The following CACNA1D variants were observed in gnomAD, a reference collection of about 807,000 sequenced individuals.
CACNA1D encodes the protein voltage-dependent L-type calcium channel subunit alpha-1D.
In CACNA1D, 55 loss-of-function variants were observed where a neutral mutation model predicts 257.1. The ratio of observed to expected loss-of-function variants is 0.21; its 90% CI spans 0.17 to 0.27. CACNA1D has a LOEUF of 0.27. CACNA1D is among the 10% of genes least tolerant of loss of function. CACNA1D has a pLI of 1.00. For synonymous variants in CACNA1D, 980 were observed against 1,014.9 expected, an observed-to-expected ratio of 0.97 and a Z score of 0.65; for missense variants, 1,876 against 2,784.0, an observed-to-expected ratio of 0.67 and a Z score of 7.34.
At chr3:53,681,982 T>C (rs144574866) in intron 8 of CACNA1D, among the ~76,000 whole-genome samples, 111 of 152,156 alleles carry the variant, frequency 7.3e-4, no homozygotes, top group African/African-American at 2.5e-3. Flanking sequence ...GAGCTGGAGA[T>C]GAAGTCAGAT....
chr3:53,552,409 C>T (rs1022863009), intron 3 of CACNA1D, among the ~76,000 whole-genome samples: 1 of 152,112 alleles, frequency 6.6e-6, no homozygotes, highest in Admixed American at 6.6e-5. Flanking sequence ...GAGACAGAGT[C>T]TCGCTCTGTT....
At chr3:53,646,724 A>G (rs1344076883) in intron 3 of CACNA1D, among the ~76,000 whole-genome samples, 1 of 152,208 alleles carries the variant, frequency 6.6e-6, no homozygotes, top group Non-Finnish European at 1.5e-5. Flanking sequence ...ACCTGGCTGC[A>G]TCAAGCCTCT....
At chr3:53,690,028 A>T (rs1278215708) in intron 8 of CACNA1D, among the ~76,000 whole-genome samples, 3 of 152,012 alleles carry the variant, frequency 2.0e-5, no homozygotes, top group African/African-American at 7.3e-5. Flanking sequence ...CACTACTTTG[A>T]TGAGGTAAGT....
At chr3:53,496,980 T>C (rs2090379126) in intron 1 of CACNA1D, among the ~76,000 whole-genome samples, 172 bp from the exon 2 acceptor site, 1 of 152,128 alleles carries the variant, frequency 6.6e-6, no homozygotes, top group Admixed American at 6.5e-5. Context: ...TTTTCTTGAC[T>C]CTCCAGCTGA....
intron 3 of CACNA1D, among the ~76,000 whole-genome samples, chr3:53,606,667 T>C (rs556967703): frequency 2.4e-4 from 37 of 152,364 alleles, no homozygotes; most frequent in African/African-American, 8.4e-4. Flanking sequence ...TTACCCACTT[T>C]ATTGAGCTAA....
At chr3:53,533,988 CATA>C in intron 3 of CACNA1D, among the ~76,000 whole-genome samples, 1 of 152,116 alleles carries the variant, frequency 6.6e-6, no homozygotes, top group Non-Finnish European at 1.5e-5. Context: ...TAAAAAGACT[CATA>C]GTAGTGGGTG....
chr3:53,576,727 A>G (rs1221414573), intron 3 of CACNA1D, among the ~76,000 whole-genome samples: 2 of 152,196 alleles, frequency 1.3e-5, no homozygotes, highest in Non-Finnish European at 2.9e-5. Context: ...GGCTGTTACC[A>G]TCTGGTGGAA....
At chr3:53,688,678 C>T (rs151207888) in intron 8 of CACNA1D, among the ~76,000 whole-genome samples, 16 of 152,268 alleles carry the variant, frequency 1.1e-4, no homozygotes, top group South Asian at 2.1e-4. Context: ...AGACCTGGAG[C>T]GGCACTTGGC....
intron 19 of CACNA1D, 84 bp downstream of exon 19, chr3:53,733,046 A>AG (rs2095015085): frequency 7.1e-7 from 1 of 1,412,906 alleles, no homozygotes; most frequent in Admixed American, 1.8e-5. Flanking sequence ...GGTGGGGGTG[A>AG]GGGGAAGTGG....
chr3:53,739,179 G>A (rs930133652), intron 20 of CACNA1D, among the ~76,000 whole-genome samples: 3 of 152,234 alleles, frequency 2.0e-5, no homozygotes, highest in Admixed American at 2.0e-4. Flanking sequence ...CATACGCCAG[G>A]CCTACTCCTT....
chr3:53,532,214 T>C (rs558691304), intron 3 of CACNA1D, among the ~76,000 whole-genome samples: 9 of 152,290 alleles, frequency 5.9e-5, no homozygotes, highest in African/African-American at 1.7e-4. Flanking sequence ...ACCCAGGAAG[T>C]AGACCACAAG....
At chr3:53,586,483 G>A (rs1263815631) in intron 3 of CACNA1D, among the ~76,000 whole-genome samples, 5 of 151,774 alleles carry the variant, frequency 3.3e-5, no homozygotes, top group Non-Finnish European at 7.4e-5. Context: ...AGTGATAAGA[G>A]CAGGTATCTT....
chr3:53,762,132 G>C, intron 30 of CACNA1D, 51 bp downstream of exon 30: 1 of 1,115,682 alleles, frequency 9.0e-7, no homozygotes, highest in Non-Finnish European at 1.4e-6. Context: ...TCCTCTGTCT[G>C]TGCATACTCC....
At chr3:53,709,009 C>G (rs918429718) in intron 9 of CACNA1D, among the ~76,000 whole-genome samples, 1 of 152,204 alleles carries the variant, frequency 6.6e-6, no homozygotes, top group Non-Finnish European at 1.5e-5. Flanking sequence ...GGACTATGCA[C>G]TCTACAGCAC....
chr3:53,770,518 G>C lies in CACNA1D; in HGVS notation c.4010G>C (p.Arg1337Pro), dbSNP rs1311383960. ...VKLLSRGEGI[R>P]TLLWTFIKSF... ...CTTCTCAGCAGGGGGGAAGGCATCC[G>C]GACATTGCTGTGGACTTTTATTAAG... The change falls in exon 32 of 48, where the codon CGG becomes CCG. Residue 1337 changes from arginine to proline, a missense_variant. Physicochemically the swap from Arg to Pro is moderately radical, Grantham distance 103. Around this residue, in one of 10 missense-constraint regions of CACNA1D, gnomAD observed 204 missense variants for 309.4 expected, o/e 0.66. Coordinates refer to ENST00000350061, the MANE Select transcript of CACNA1D (RefSeq NM_001128840.3). The C allele has an allele frequency of 6.2e-7, 1 of 1,613,644 alleles. No homozygotes were observed. Among genetic ancestry groups the C allele is most frequent in the Non-Finnish European group, 8.5e-7 (1 of 1,179,724 alleles).
At chr3:53,684,500 G>A (rs895220762) in intron 8 of CACNA1D, among the ~76,000 whole-genome samples, 1 of 151,940 alleles carries the variant, frequency 6.6e-6, no homozygotes, top group Non-Finnish European at 1.5e-5. Context: ...GCGCATGCCT[G>A]TGGTCCCAGC....
intron 9 of CACNA1D, among the ~76,000 whole-genome samples, chr3:53,705,799 T>C (rs1242163197): frequency 6.6e-6 from 1 of 152,176 alleles, no homozygotes; most frequent in Non-Finnish European, 1.5e-5. Context: ...GCCCAGACCC[T>C]CTGGAGGAGA....
At chr3:53,689,502 G>T (rs1359435620) in intron 8 of CACNA1D, among the ~76,000 whole-genome samples, 4 of 152,046 alleles carry the variant, frequency 2.6e-5, no homozygotes, top group Non-Finnish European at 5.9e-5. Context: ...CAGGGATGGG[G>T]TCTGCATGGA....
At chr3:53,530,952 A>G (rs1198036436) in intron 3 of CACNA1D, among the ~76,000 whole-genome samples, 1 of 151,506 alleles carries the variant, frequency 6.6e-6, no homozygotes, top group Non-Finnish European at 1.5e-5. Context: ...GGCTCAAGCA[A>G]TCCTCCTACC....
Sources: gnomAD v4.1 joint callset for allele counts (sites outside exome capture counted in the v4.1 genomes callset) on GRCh38, gnomAD v4.1.1 for gene constraint, gnomAD v4.1.1 regional missense constraint, MANE v1.5 for transcripts, NCBI Gene and HGNC (gene_info 2026-07-23, HGNC 2026-07-21) for gene names.